Variants in ARHGEF10 observed in about 807,000 individuals in gnomAD.
The protein encoded by ARHGEF10 is Rho guanine nucleotide exchange factor 10.
A neutral mutation model predicts 147.4 loss-of-function variants in ARHGEF10; 140 were observed. The ratio of observed to expected loss-of-function variants is 0.95; its 90% CI spans 0.83 to 1.09. The LOEUF (loss-of-function observed/expected upper bound fraction) is 1.09. ARHGEF10 is among the 50% of genes least tolerant of loss of function. The probability of loss-of-function intolerance (pLI) is 0.00; values close to 1 mark genes in which losing one functional copy is unlikely to be tolerated. For missense variants in ARHGEF10, 2,222 were observed against 1,752.7 expected, an observed-to-expected ratio of 1.27 and a Z score of -4.78; for synonymous variants, 902 against 695.8, an observed-to-expected ratio of 1.30 and a Z score of -4.67.
At chr8:1,849,441 G>T (rs1313843895) in intron 2 of ARHGEF10, among the ~76,000 whole-genome samples, 4 of 151,202 alleles carry the variant, frequency 2.6e-5, no homozygotes, top group African/African-American at 7.3e-5. Context: ...ATGCTGAGGA[G>T]GGCGTGGGGC....
Position 1,882,753 on chromosome 8 carries a change from C to G in ARHGEF10, c.1075+4C>G, listed in dbSNP as rs1221631724. The G allele has an allele frequency of 7.0e-7, 1 of 1,422,462 alleles. No homozygotes were observed. Among genetic ancestry groups the G allele is most frequent in the African/African-American group, 1.5e-5 (1 of 66,606 alleles). The allele number at this position is 1,422,462 out of a possible 1,614,324, so 88.1% of individuals were successfully genotyped here. On this transcript the variant is annotated splice_donor_region_variant and intron_variant, in intron 10 of 28. Coordinates refer to ENST00000349830, the MANE Select transcript of ARHGEF10 (RefSeq NM_014629.4). ...ACCAAGTCTCTCATCGCACAGGGTC[C>G]GTGCCTGCAGGTCTTCTTGCGGGGA...
At chr8:1,884,089 G>A (rs543679617) in intron 10 of ARHGEF10, among the ~76,000 whole-genome samples, 15 of 152,222 alleles carry the variant, frequency 9.9e-5, no homozygotes, top group African/African-American at 2.2e-4. Flanking sequence ...GTAGAGATGC[G>A]GCAGTTTAAT....
intron 11 of ARHGEF10, among the ~76,000 whole-genome samples, chr8:1,888,820 G>GGAGACACTGAGTGGGGTGAGTA (rs1563236191): frequency 2.0e-5 from 1 of 50,046 alleles, no homozygotes. Flanking sequence ...TGGGGTGAGA[G>GGAGACACTGAGTGGGGTGAGTA]TTATGAGGAG....
At position 1,920,032 on chromosome 8, in the gene ARHGEF10, A is replaced by ATGGGTGATGGAGCTGTTCCG. The variant is rs1554506690; in HGVS notation, c.2144-2913_2144-2894dup. ...GTTCTGTGGATGATGGAGCTGTTCT[A>ATGGGTGATGGAGCTGTTCCG]TGGGTGATGGAGCTGTTCCGTGGGT... On this transcript the variant is annotated intron_variant, in intron 18 of 28. Transcript: ENST00000349830. 1.6e-3 allele frequency among the ~76,000 whole-genome samples: 167 copies of ATGGGTGATGGAGCTGTTCCG among 106,004 alleles called. 2 individuals are homozygous for ATGGGTGATGGAGCTGTTCCG. The highest frequency in any genetic ancestry group is 2.2e-3 in the Admixed American group (22 of 9,928). 69.5% of individuals were successfully genotyped at this position (106,004 alleles called of 152,430 possible). A position where few individuals can be genotyped will look rare whatever the true frequency, so the allele number is the denominator to read the frequency against.
chr8:1,869,162 C>T, intron 6 of ARHGEF10, 32 bp from the exon 7 acceptor site: 1 of 1,593,574 alleles, frequency 6.3e-7, no homozygotes, highest in Non-Finnish European at 8.6e-7. Flanking sequence ...TTGTTGGTCA[C>T]TGTTTAAAGT....
intron 13 of ARHGEF10, among the ~76,000 whole-genome samples, chr8:1,895,827 A>G (rs532134665): frequency 1.3e-5 from 2 of 152,206 alleles, no homozygotes; most frequent in African/African-American, 4.8e-5. Flanking sequence ...CTTAACAGAA[A>G]CCTTTGTGCT....
chr8:1,855,873 G>A (rs538135023), intron 2 of ARHGEF10, among the ~76,000 whole-genome samples: 2 of 151,484 alleles, frequency 1.3e-5, no homozygotes, highest in African/African-American at 2.4e-5. Flanking sequence ...ACTTTAAAAG[G>A]TATTCACCAG....
At chr8:1,908,807 A>C (rs752895416) in intron 17 of ARHGEF10, among the ~76,000 whole-genome samples, 1 of 152,124 alleles carries the variant, frequency 6.6e-6, no homozygotes, top group Non-Finnish European at 1.5e-5. Context: ...TTTTCGGTTC[A>C]ATTTCCGTAT....
At chr8:1,906,536 C>T (rs945379949) in intron 17 of ARHGEF10, among the ~76,000 whole-genome samples, 2 of 152,176 alleles carry the variant, frequency 1.3e-5, no homozygotes, top group African/African-American at 4.8e-5. Context: ...GCCCGTCGCC[C>T]CCATTTTCCA....
intron 17 of ARHGEF10, among the ~76,000 whole-genome samples, chr8:1,907,827 G>T (rs948062233): frequency 4.6e-5 from 7 of 152,162 alleles, no homozygotes; most frequent in Non-Finnish European, 7.3e-5. Flanking sequence ...GACAGTGCCC[G>T]AAGGTGATGA....
chr8:1,902,714 G>C lies in ARHGEF10; in HGVS notation c.1651-567G>C, dbSNP rs1394283401. On this transcript the variant is annotated intron_variant, in intron 15 of 28. Coordinates refer to ENST00000349830, the MANE Select transcript of ARHGEF10 (RefSeq NM_014629.4). ...GCAGGAGGGCGTACCCTTGTGCTGT[G>C]CATTCGGTGGGTTCGGATGAACGTT... Among the ~76,000 whole-genome samples the C allele has an allele frequency of 2.6e-5, 4 of 152,160 alleles. No individual in the cohort carries two copies. In the South Asian group the frequency reaches 6.2e-4, roughly 24 times the overall value.
At position 1,900,374 on chromosome 8, in the gene ARHGEF10, C is replaced by T. The variant is rs150329204; in HGVS notation, c.1650+1849C>T. ...GGGAGGTCGTTGTCCCTTTTTTATG[C>T]GCTAGGAAACTGAGTTACGCTCTAG... On this transcript the variant is annotated intron_variant, in intron 15 of 28. Coordinates refer to ENST00000349830, the MANE Select transcript of ARHGEF10 (RefSeq NM_014629.4). Among the ~76,000 whole-genome samples, 486 of 152,114 alleles carry T rather than the reference C, an allele frequency of 3.2e-3. 1 individual carries two copies. Among genetic ancestry groups the T allele is most frequent in the Non-Finnish European group, 5.4e-3 (368 of 68,008 alleles).
chr8:1,879,905 C>T, intron 8 of ARHGEF10, 143 bp from the exon 9 acceptor site: 1 of 741,208 alleles, frequency 1.3e-6, no homozygotes, highest in Non-Finnish European at 2.5e-6. Flanking sequence ...AATGGGGACT[C>T]TCGCGTGTGG....
At chr8:1,826,871 G>A (rs1299828490) in intron 1 of ARHGEF10, among the ~76,000 whole-genome samples, 1 of 152,242 alleles carries the variant, frequency 6.6e-6, no homozygotes, top group Non-Finnish European at 1.5e-5. Context: ...CGTGAAATAA[G>A]ACAGAAGGGA....
chr8:1,903,189 T>C, intron 15 of ARHGEF10, 92 bp from the exon 16 acceptor site: 1 of 1,496,658 alleles, frequency 6.7e-7, no homozygotes, highest in East Asian at 2.3e-5. Flanking sequence ...TGCCACTGCC[T>C]CCTTTCCATT....
In ARHGEF10 at chr8:1,882,635, A is replaced by G. The variant is rs1382130235; in HGVS notation, c.961A>G (p.Met321Val). 5 of 1,552,828 alleles carry G rather than the reference A, an allele frequency of 3.2e-6. No individual in the cohort carries two copies. Among genetic ancestry groups the G allele is most frequent in the Admixed American group, 3.9e-5 (2 of 51,152 alleles). Reference protein sequence around the residue: ...QQLRQKHELKMQKLVKAAKDG... With the variant: ...QQLRQKHELKVQKLVKAAKDG... Reference sequence around the variant, plus strand: ...TCTCACATCTCCCTCTCCGTCGCAGATGCAGAAGCTCGTGAAGGCCGCGAA... The same window carrying G: ...TCTCACATCTCCCTCTCCGTCGCAGGTGCAGAAGCTCGTGAAGGCCGCGAA... Residue 321 changes from methionine (M) to valine (V), a missense_variant and splice_region_variant, in exon 10 of 29, where the codon ATG (methionine) becomes GTG (valine). By Grantham distance (21) the Met-to-Val change is conservative. Transcript: ENST00000349830.
At chr8:1,827,531 C>T (rs906202872) in intron 1 of ARHGEF10, among the ~76,000 whole-genome samples, 1 of 152,186 alleles carries the variant, frequency 6.6e-6, no homozygotes, top group East Asian at 1.9e-4. Flanking sequence ...GTCTTGAACT[C>T]CCGACCTCAA....
Position 1,893,581 on chromosome 8 carries a change from T to C in ARHGEF10, c.1195T>C (p.Tyr399His), listed in dbSNP as rs1809722758. 1.9e-6 allele frequency: 3 copies of C among 1,613,224 alleles called. No individual in the cohort carries two copies. Among genetic ancestry groups the C allele is most frequent in the Non-Finnish European group, 2.5e-6 (3 of 1,179,270 alleles). Residue 399 changes from tyrosine to histidine, a missense_variant, in exon 12 of 29, where the codon TAT becomes CAT. Transcript: ENST00000349830. ...GLSQQQVVRR[Y>H]ILGSVVDSEK... ...AAATTTCCAACAGGTTGTAAGAAGA[T>C]ATATACTGGGTTCAGTTGTCGACAG...
At position 1,829,823 on chromosome 8, in the gene ARHGEF10, C is replaced by T. The variant is rs556424240; in HGVS notation, c.-48+5710C>T. On this transcript the variant is annotated intron_variant, in intron 1 of 28. Coordinates refer to ENST00000349830, the MANE Select transcript of ARHGEF10 (RefSeq NM_014629.4). ...GGGTCTGCGGAGGAAGAACGCGCGG[C>T]GAGGCCCGGGGAGGCTGCTGGGACG... Among the ~76,000 whole-genome samples, 4 of 152,270 alleles carry T rather than the reference C, an allele frequency of 2.6e-5. No individual in the cohort carries two copies. In the South Asian group the frequency reaches 6.2e-4, roughly 24 times the overall value.
Sources: allele counts gnomAD v4.1 joint callset (sites outside exome capture counted in the v4.1 genomes callset), GRCh38; gene constraint gnomAD v4.1.1; transcripts MANE v1.5; gene names NCBI Gene and HGNC (gene_info 2026-07-23, HGNC 2026-07-21).